Variants in TRIM5 observed in about 807,000 individuals in gnomAD.
The protein encoded by TRIM5 is tripartite motif-containing protein 5.
Under a neutral mutation model 35.6 loss-of-function variants are expected in TRIM5, and 31 were observed. The ratio of observed to expected loss-of-function variants is 0.87; its 90% CI spans 0.65 to 1.18. The LOEUF is 1.18. Ranked by LOEUF, TRIM5 falls within the 50% of genes most tolerant of loss-of-function variation. The pLI, the probability that TRIM5 is intolerant of heterozygous loss-of-function variation, is 0.00. For synonymous variants in TRIM5, 243 were observed against 215.6 expected, an observed-to-expected ratio of 1.13 and a Z score of -1.11; for missense variants, 609 against 591.6, an observed-to-expected ratio of 1.03 and a Z score of -0.31.
the TRIM5 span, chr11:5,604,617 A>C: frequency 6.2e-7 from 1 of 1,611,906 alleles, no homozygotes; most frequent in South Asian, 1.1e-5. Context: ...GAGAGAAGAA[A>C]ACATCCTGGA....
At chr11:5,677,930 A>G (rs953439123) in intron 4 of TRIM5, 1 of 280,182 alleles carries the variant, frequency 3.6e-6, no homozygotes, top group East Asian at 6.4e-5. Flanking sequence ...TCTCAACACT[A>G]GAATACAGAG....
At chr11:5,597,054 C>G in the TRIM5 span, 3 of 1,395,966 alleles carry the variant, frequency 2.1e-6, no homozygotes, top group South Asian at 2.6e-5. Flanking sequence ...AATGACCCCA[C>G]TGAGGTTAGA....
At chr11:5,638,771 G>A in the TRIM5 span, among the ~76,000 whole-genome samples, 1 of 152,198 alleles carries the variant, frequency 6.6e-6, no homozygotes, top group Non-Finnish European at 1.5e-5. Context: ...TATTGTACCT[G>A]TACAGAATGA....
At chr11:5,611,055 A>G in the TRIM5 span, 1 of 1,614,208 alleles carries the variant, frequency 6.2e-7, no homozygotes, top group South Asian at 1.1e-5. Flanking sequence ...TGCTTACTCC[A>G]GGTATCAGCC....
the TRIM5 span, chr11:5,655,817 A>G: frequency 2.6e-6 from 1 of 385,350 alleles, no homozygotes; most frequent in Non-Finnish European, 3.6e-6. Flanking sequence ...CCATTGGTCT[A>G]TAAATCTACA....
the TRIM5 span, chr11:5,655,772 A>G: frequency 1.3e-6 from 1 of 793,068 alleles, no homozygotes; most frequent in Non-Finnish European, 1.5e-6. Context: ...ATTCAGTGCT[A>G]CATTTTAATT....
chr11:5,601,952 T>C, the TRIM5 span, among the ~76,000 whole-genome samples: 1 of 151,984 alleles, frequency 6.6e-6, no homozygotes, highest in African/African-American at 2.4e-5. Context: ...AAAGAGCTCA[T>C]GGAAAGGTCA....
At chr11:5,600,198 C>T in the TRIM5 span, among the ~76,000 whole-genome samples, 51 of 152,214 alleles carry the variant, frequency 3.4e-4, no homozygotes, top group Non-Finnish European at 5.0e-4. Flanking sequence ...CTGCAGCCTG[C>T]GTATCTGCAT....
the TRIM5 span, chr11:5,643,232 T>G: frequency 6.2e-7 from 1 of 1,613,784 alleles, no homozygotes; most frequent in Non-Finnish European, 8.5e-7. Context: ...CAATTTGGCC[T>G]TTTCAGTGTT....
At chr11:5,604,886 G>C in the TRIM5 span, 1 of 461,758 alleles carries the variant, frequency 2.2e-6, no homozygotes. Context: ...TCATAATTCT[G>C]GGTCTTGCTC....
chr11:5,646,714 C>A, the TRIM5 span, among the ~76,000 whole-genome samples: 3 of 152,170 alleles, frequency 2.0e-5, no homozygotes, highest in Non-Finnish European at 4.4e-5. Context: ...CATTTCACCC[C>A]ACTGATGTAC....
At chr11:5,662,363 C>G (rs1850859183), downstream of TRIM5, among the ~76,000 whole-genome samples, 1 of 152,174 alleles carries the variant, frequency 6.6e-6, no homozygotes, top group Non-Finnish European at 1.5e-5. Flanking sequence ...TCATAAACAT[C>G]CGTTGCAAAA....
the TRIM5 span, chr11:5,603,679 CAGG>C: frequency 6.2e-7 from 1 of 1,613,192 alleles, no homozygotes; most frequent in Non-Finnish European, 8.5e-7. Flanking sequence ...TGAGCGGTCT[CAGG>C]AGCACCGTGG....
chr11:5,665,960 T>G (rs1474923466), intron 6 of TRIM5, 21 bp downstream of exon 6: 9 of 1,593,736 alleles, frequency 5.6e-6, no homozygotes, highest in Non-Finnish European at 6.8e-6. Flanking sequence ...ATAACCCTGT[T>G]GTTGATCTAG....
the TRIM5 span, among the ~76,000 whole-genome samples, chr11:5,648,646 C>T: frequency 6.6e-6 from 1 of 152,102 alleles, no homozygotes. Flanking sequence ...AGCATAAGAC[C>T]CAGAGCAATC....
Position 5,679,754 on chromosome 11 carries a change from C to G in TRIM5, c.417+7G>C, listed in dbSNP as rs1852282196. On this transcript the variant is annotated splice_region_variant and intron_variant, in intron 2 of 7. Coordinates refer to ENST00000380034, the MANE Select transcript of TRIM5 (RefSeq NM_033034.3). ...TGCCCTCTCTTCCTTCCATCCCAGT[C>G]TCTTACTTGGTACTCCCGGGCAACC... 1 of 1,569,528 alleles carries G rather than the reference C, an allele frequency of 6.4e-7. No individual in the cohort carries two copies. Among genetic ancestry groups the G allele is most frequent in the African/African-American group, 1.4e-5 (1 of 73,934 alleles).
At chr11:5,591,895 C>A in the TRIM5 span, among the ~76,000 whole-genome samples, 6 of 145,352 alleles carry the variant, frequency 4.1e-5, no homozygotes, top group South Asian at 2.2e-4. Flanking sequence ...CCTTTAGCCC[C>A]GGGGGGCTGT....
chr11:5,664,358 T>A lies in TRIM5; in HGVS notation c.*451A>T. On this transcript the variant is annotated 3_prime_UTR_variant, in exon 8 of 8. Coordinates refer to ENST00000380034, the MANE Select transcript of TRIM5 (RefSeq NM_033034.3). The stretch of plus-strand genomic sequence containing the variant: ...ATACTTAAGAGTATACCATTTATGA[T>A]ATTTTCTCTTTAACTCACAAATAAG... 4 of 993,108 alleles carry A rather than the reference T, an allele frequency of 4.0e-6. No individual in the cohort carries two copies. The highest frequency in any genetic ancestry group is 4.8e-6 in the Non-Finnish European group (4 of 834,342). The allele number at this position is 993,108 out of a possible 1,614,324, so 61.5% of individuals were successfully genotyped here. A position where few individuals can be genotyped will look rare whatever the true frequency, so the allele number is the denominator to read the frequency against.
At chr11:5,622,842 T>A in the TRIM5 span, among the ~76,000 whole-genome samples, 1 of 152,202 alleles carries the variant, frequency 6.6e-6, no homozygotes, top group Non-Finnish European at 1.5e-5. Flanking sequence ...AGGTTAAGGA[T>A]GCACCCATGA....
Sources: allele counts gnomAD v4.1 joint callset (sites outside exome capture counted in the v4.1 genomes callset), GRCh38; gene constraint gnomAD v4.1.1; transcripts MANE v1.5; gene names NCBI Gene and HGNC (gene_info 2026-07-23, HGNC 2026-07-21).